Variants in PPP1R9A observed in about 807,000 individuals in gnomAD.
The protein encoded by PPP1R9A is neurabin-1.
PPP1R9A carries 59 observed loss-of-function variants against 141.9 expected under a neutral mutation model. That is an observed-to-expected ratio of 0.42 (90% confidence interval 0.34 to 0.52). PPP1R9A has a LOEUF of 0.52. Among genes scored for constraint, PPP1R9A ranks in the 20% least tolerant of loss-of-function variants. The pLI is 0.10. For synonymous variants in PPP1R9A, 500 were observed against 569.7 expected (o/e 0.88, Z 1.74); for missense variants, 1,444 against 1,611.9 (o/e 0.90, Z 1.78).
At chr7:95,163,691 C>T (rs1830758260) in intron 5 of PPP1R9A, among the ~76,000 whole-genome samples, 1 of 152,028 alleles carries the variant, frequency 6.6e-6, no homozygotes, top group African/African-American at 2.4e-5. Context: ...GGATGCTCAA[C>T]CTGTATAAAC....
At chr7:95,159,270 A>T (rs1024160028) in intron 4 of PPP1R9A, among the ~76,000 whole-genome samples, 6 of 152,248 alleles carry the variant, frequency 3.9e-5, no homozygotes, top group African/African-American at 1.4e-4. Flanking sequence ...GTAATGCTGA[A>T]TGAAGCAAAC....
chr7:95,282,148 T>TATTTATTTATTTACAAA (rs374614828), intron 16 of PPP1R9A, among the ~76,000 whole-genome samples: 17,485 of 151,924 alleles, frequency 0.12, 1,345 homozygotes, highest in African/African-American at 0.21. Flanking sequence ...GTCAATAGCA[T>TATTTATTTATTTACAAA]AATAAACCCC....
intron 4 of PPP1R9A, among the ~76,000 whole-genome samples, chr7:95,146,127 G>A (rs572461594): frequency 9.2e-5 from 14 of 152,310 alleles, no homozygotes; most frequent in African/African-American, 3.1e-4. Flanking sequence ...CAGTGTAAAA[G>A]CATTCCTATT....
intron 2 of PPP1R9A, among the ~76,000 whole-genome samples, chr7:94,924,948 TAAACAGAATATTGATATGAAATATTTCTG>T (rs1793287935): frequency 6.6e-6 from 1 of 152,166 alleles, no homozygotes; most frequent in African/African-American, 2.4e-5. Flanking sequence ...ACGGTTGAAA[TAAACAGAATATTGATATGAAATATTTCTG>T]AAGGTATCCT....
intron 16 of PPP1R9A, among the ~76,000 whole-genome samples, chr7:95,281,051 GTAATTTTA>G (rs1033113294): frequency 6.6e-6 from 1 of 152,168 alleles, no homozygotes; most frequent in African/African-American, 2.4e-5. Context: ...TGATAGGTCT[GTAATTTTA>G]AAGCAAAAAT....
chr7:95,247,321 C>G (rs1224426755), intron 8 of PPP1R9A, 152 bp from the exon 9 acceptor site: 1 of 544,616 alleles, frequency 1.8e-6, no homozygotes, highest in Non-Finnish European at 3.3e-6. Flanking sequence ...AGTGTCATTT[C>G]ACACAGTAGA....
At chr7:95,178,015 A>G (rs1336438700) in intron 5 of PPP1R9A, among the ~76,000 whole-genome samples, 1 of 152,068 alleles carries the variant, frequency 6.6e-6, no homozygotes, top group Non-Finnish European at 1.5e-5. Flanking sequence ...GATTTAAACT[A>G]TACCTTGGAA....
At chr7:94,947,201 T>C (rs1323052100) in intron 2 of PPP1R9A, among the ~76,000 whole-genome samples, 1 of 152,136 alleles carries the variant, frequency 6.6e-6, no homozygotes. Context: ...GGTGAAGACA[T>C]ATCACCCCTG....
intron 2 of PPP1R9A, among the ~76,000 whole-genome samples, chr7:95,105,404 C>A (rs999645973): frequency 2.6e-5 from 4 of 152,220 alleles, no homozygotes; most frequent in African/African-American, 9.6e-5. Flanking sequence ...GAAAGCCTGT[C>A]TCTGCTGTGA....
At chr7:95,163,890 C>A (rs908257933) in intron 5 of PPP1R9A, among the ~76,000 whole-genome samples, 1 of 152,132 alleles carries the variant, frequency 6.6e-6, no homozygotes, top group Non-Finnish European at 1.5e-5. Flanking sequence ...AGGCATCCAC[C>A]ACCACATCCA....
rs143897673 is a variant in PPP1R9A, at chr7:95,053,011, A to G, written c.1396-58248A>G. ...CTCTAGTCTCCCCTTCTTCCAGCCTATTATTGACTAAGCCCCCAGAACAAT... is the reference window on the plus strand; with the variant it reads ...CTCTAGTCTCCCCTTCTTCCAGCCTGTTATTGACTAAGCCCCCAGAACAAT... On this transcript the variant is annotated intron_variant, in intron 2 of 19. Transcript: ENST00000433360. Among the ~76,000 whole-genome samples, 82 of 152,222 alleles carry G rather than the reference A, an allele frequency of 5.4e-4. No homozygotes were observed. In the East Asian group the frequency reaches 9.1e-3, roughly 17 times the overall value.
chr7:94,955,772 C>G (rs1303364714), intron 2 of PPP1R9A, among the ~76,000 whole-genome samples: 1 of 152,100 alleles, frequency 6.6e-6, no homozygotes, highest in African/African-American at 2.4e-5. Context: ...TAAAGTCTAC[C>G]AGTATCCTAT....
intron 14 of PPP1R9A, among the ~76,000 whole-genome samples, chr7:95,273,088 C>A (rs551942764): frequency 6.6e-6 from 1 of 152,240 alleles, no homozygotes. Context: ...ACATTGAACT[C>A]CATTTGCAAA....
At chr7:95,137,415 C>CAAAAAAAAAA (rs33928009) in intron 4 of PPP1R9A, among the ~76,000 whole-genome samples, 40 of 91,520 alleles carry the variant, frequency 4.4e-4, no homozygotes, top group African/African-American at 1.7e-3. Context: ...GACATGAACT[C>CAAAAAAAAAA]AAAAAAAAAA....
chr7:95,176,623 T>C (rs2152771052), intron 5 of PPP1R9A: 1 of 149,952 alleles, frequency 6.7e-6, no homozygotes, highest in South Asian at 2.1e-4. Flanking sequence ...AAAAAAACAA[T>C]ACACGAAGTG....
At chr7:95,132,835 GGT>G (rs1291465827) in intron 4 of PPP1R9A, among the ~76,000 whole-genome samples, 4 of 152,152 alleles carry the variant, frequency 2.6e-5, no homozygotes, top group Non-Finnish European at 4.4e-5. Flanking sequence ...AGGGTAATGT[GGT>G]GACACCCAGA....
At chr7:94,976,403 G>A (rs1010901559) in intron 2 of PPP1R9A, among the ~76,000 whole-genome samples, 9 of 147,260 alleles carry the variant, frequency 6.1e-5, no homozygotes, top group African/African-American at 2.3e-4. Flanking sequence ...GTGCAGTGGT[G>A]TGATCTCGGC....
intron 5 of PPP1R9A, among the ~76,000 whole-genome samples, chr7:95,170,934 GT>G (rs1832017847): frequency 6.6e-6 from 1 of 151,576 alleles, no homozygotes; most frequent in Admixed American, 6.6e-5. Context: ...TAGCATGTCG[GT>G]TTTTATGACA....
chr7:95,043,713 A>G (rs576721211), intron 2 of PPP1R9A, among the ~76,000 whole-genome samples: 3 of 152,092 alleles, frequency 2.0e-5, no homozygotes, highest in Non-Finnish European at 4.4e-5. Flanking sequence ...TTTATCTACT[A>G]TTGTCTTGTT....
Sources: allele counts gnomAD v4.1 joint callset (sites outside exome capture counted in the v4.1 genomes callset), GRCh38; gene constraint gnomAD v4.1.1; transcripts MANE v1.5; gene names NCBI Gene and HGNC (gene_info 2026-07-23, HGNC 2026-07-21).